Variants in BCL6B observed in about 807,000 individuals in gnomAD.
BCL6B encodes the protein B-cell CLL/lymphoma 6 member B protein.
A neutral mutation model predicts 44.6 loss-of-function variants in BCL6B; 28 were observed. The ratio of observed to expected loss-of-function variants is 0.63; its 90% CI spans 0.47 to 0.86. The LOEUF (loss-of-function observed/expected upper bound fraction) is 0.86, where lower values mean the gene tolerates loss of function less well. Ranked by LOEUF, BCL6B falls within the 40% of genes least tolerant of loss-of-function variation. BCL6B has a pLI of 0.00. For missense variants in BCL6B, 626 were observed against 652.3 expected (o/e 0.96, Z 0.44); for synonymous variants, 268 against 263.6 (o/e 1.02, Z -0.16).
At chr17:7,025,994 T>C (rs1026442353) in intron 5 of BCL6B, among the ~76,000 whole-genome samples, 7 of 152,274 alleles carry the variant, frequency 4.6e-5, no homozygotes, top group Middle Eastern at 3.4e-3. Context: ...CAATCTCGGT[T>C]CACTACAACC....
Position 7,026,814 on chromosome 17 carries a change from G to C in BCL6B, c.1164G>C (p.Thr388=). ...HSGEKPYKCE[T]CGSRFVQVAH... Reference sequence around the variant, plus strand: ...GAGAGAAGCCGTATAAGTGTGAGACGTGCGGCTCGCGCTTTGTACAGGTAC... The same window carrying C: ...GAGAGAAGCCGTATAAGTGTGAGACCTGCGGCTCGCGCTTTGTACAGGTAC... Residue 388 remains threonine, a synonymous_variant, in exon 7 of 9, where the codon ACG becomes ACC. Coordinates refer to ENST00000293805, the MANE Select transcript of BCL6B (RefSeq NM_181844.4). The C allele has an allele frequency of 6.2e-7, 1 of 1,614,072 alleles. No individual in the cohort carries two copies. The highest frequency in any genetic ancestry group is 8.5e-7 in the Non-Finnish European group (1 of 1,180,038).
Position 7,029,476 on chromosome 17 carries a change from T to C in BCL6B, c.*1857T>C, listed in dbSNP as rs548952264. 73 of 1,048,440 alleles carry C rather than the reference T, an allele frequency of 7.0e-5. No homozygotes were observed. The African/African-American group carries it at 1.2e-3, about 17-fold the overall frequency. 64.9% of individuals were successfully genotyped at this position (1,048,440 alleles called of 1,614,324 possible). A position where few individuals can be genotyped will look rare whatever the true frequency, so the allele number is the denominator to read the frequency against. ...TCTCCCTCTTCCCTCTTTCTCCCCATGGCCCCACTGCAGAATTAAAGAAGG... is the reference window on the plus strand; with the variant it reads ...TCTCCCTCTTCCCTCTTTCTCCCCACGGCCCCACTGCAGAATTAAAGAAGG... On this transcript the variant is annotated 3_prime_UTR_variant, in exon 9 of 9. Transcript: ENST00000293805.
At chr17:7,023,944 C>A in intron 2 of BCL6B, 94 bp downstream of exon 2, 2 of 1,544,994 alleles carry the variant, frequency 1.3e-6, no homozygotes, top group Non-Finnish European at 1.8e-6. Context: ...CTTTCAGAAG[C>A]AGGAGGCGGA....
At position 7,029,369 on chromosome 17, in the gene BCL6B, A is replaced by G. The variant is rs896791236; in HGVS notation, c.*1750A>G. 4.0e-5 allele frequency: 40 copies of G among 995,488 alleles called. No homozygotes were observed. The highest frequency in any genetic ancestry group is 4.7e-5 in the Non-Finnish European group (39 of 835,752). The allele number at this position is 995,488 out of a possible 1,614,324, so 61.7% of individuals were successfully genotyped here. Reference sequence around the variant, plus strand: ...GGGACGAGGGTAGAAAGTAAGAAGCACTTTTGAATTTGTGGGGTAGAACTT... The same window carrying G: ...GGGACGAGGGTAGAAAGTAAGAAGCGCTTTTGAATTTGTGGGGTAGAACTT... On this transcript the variant is annotated 3_prime_UTR_variant, in exon 9 of 9. Coordinates refer to ENST00000293805, the MANE Select transcript of BCL6B (RefSeq NM_181844.4).
In BCL6B at chr17:7,025,211, C is replaced by T. The variant is rs1910250956; in HGVS notation, c.889+11C>T. On this transcript the variant is annotated intron_variant, in intron 5 of 8. Coordinates refer to ENST00000293805, the MANE Select transcript of BCL6B (RefSeq NM_181844.4). ...CTCGTCCACTACCGGGTAAGAGCCC[C>T]TCTTTCTTGGCTTTTCTCCCGTGAC... The T allele has an allele frequency of 4.3e-6, 7 of 1,613,156 alleles. No homozygotes were observed. The highest frequency in any genetic ancestry group is 5.1e-6 in the Non-Finnish European group (6 of 1,179,778).
chr17:7,024,028 C>CTT lies in BCL6B; in HGVS notation c.180-55_180-54insTT. 6.3e-7 allele frequency: 1 copy of CTT among 1,579,290 alleles called. No homozygotes were observed. Among genetic ancestry groups the CTT allele is most frequent in the Non-Finnish European group, 8.7e-7 (1 of 1,152,032 alleles). On this transcript the variant is annotated intron_variant, in intron 2 of 8. Transcript: ENST00000293805. This position sits in a 1 kb window ranked among gnomAD's most constrained non-coding sequence, Gnocchi z 6.6. ...CAGGGGGCGGGGCTTCCTGAAGCTG[C>CTT]GCATGTCTCCCTTGGTTCCCCAGCC...
At position 7,024,199 on chromosome 17, in the gene BCL6B, C is replaced by G; in HGVS notation, c.296C>G (p.Ser99Trp). Residue 99 changes from serine (S) to tryptophan (W), a missense_variant, in exon 3 of 9, where the codon TCG (serine) becomes TGG (tryptophan). By Grantham distance (177) the Ser-to-Trp change is radical. Transcript: ENST00000293805. The surrounding 1 kb of genome is among the most constrained non-coding windows in gnomAD (Gnocchi z 6.6). ...FAPLLDFMYT[S>W]RLRLSPATAP... is the part of the protein sequence containing the mutation. ...CCTCTATTGGACTTCATGTACACTT[C>G]GCGCCTGCGCCTCTCTCCAGCCACT... 6.2e-7 allele frequency: 1 copy of G among 1,613,746 alleles called. No individual in the cohort carries two copies. The highest frequency in any genetic ancestry group is 1.1e-5 in the South Asian group (1 of 91,064).
chr17:7,027,139 C>T (rs763286941), intron 8 of BCL6B, 52 bp downstream of exon 8: 1 of 1,606,540 alleles, frequency 6.2e-7, no homozygotes, highest in East Asian at 2.2e-5. Context: ...TCTCCTTTGC[C>T]TAGGGGTGGG....
chr17:7,023,600 A>T, intron 1 of BCL6B, 60 bp from the exon 2 acceptor site: 1 of 1,487,662 alleles, frequency 6.7e-7, no homozygotes, highest in Non-Finnish European at 9.0e-7. Context: ...AAAGGCAAAC[A>T]GAGGAGGGAA....
Position 7,024,399 on chromosome 17 carries a change from A to G in BCL6B, c.402-2A>G. On this transcript the variant is annotated splice_acceptor_variant, in intron 3 of 8. Transcript: ENST00000293805. LOFTEE classifies it high-confidence loss of function. The surrounding 1 kb of genome is among the most constrained non-coding windows in gnomAD (Gnocchi z 6.6). ...CACTAACGTTCATCACACTTTCCCC[A>G]GCTATGAACCTCTGGGCATCTCCCT... The G allele has an allele frequency of 6.2e-7, 1 of 1,612,446 alleles. No individual in the cohort carries two copies. Among genetic ancestry groups the G allele is most frequent in the Non-Finnish European group, 8.5e-7 (1 of 1,178,976 alleles).
At chr17:7,027,162 C>G in intron 8 of BCL6B, 75 bp downstream of exon 8, 1 of 1,563,874 alleles carries the variant, frequency 6.4e-7, no homozygotes, top group South Asian at 1.1e-5. Flanking sequence ...CTGAGAGGTG[C>G]GGGCCTGGCT....
At position 7,024,214 on chromosome 17, in the gene BCL6B, C is replaced by T; in HGVS notation, c.311C>T (p.Ser104Phe). ...DFMYTSRLRL[S>F]PATAPAVLAA... ...ATGTACACTTCGCGCCTGCGCCTCT[C>T]TCCAGCCACTGCACCAGCAGTCCTA... The change falls in exon 3 of 9, where the codon TCT becomes TTT. Residue 104 changes from serine (S) to phenylalanine (F), a missense_variant. Coordinates refer to ENST00000293805, the MANE Select transcript of BCL6B (RefSeq NM_181844.4). This position sits in a 1 kb window ranked among gnomAD's most constrained non-coding sequence, Gnocchi z 6.6. 2 of 1,613,900 alleles carry T rather than the reference C, an allele frequency of 1.2e-6. No homozygotes were observed. The highest frequency in any genetic ancestry group is 1.7e-6 in the Non-Finnish European group (2 of 1,180,030).
rs529487939 is a variant in BCL6B at position 7,023,841 on chromosome 17, T to C, written c.170T>C (p.Ile57Thr). ...CTCAGAGCACACAAGGCAGTTCTCA[T>C]CGCCTGCAGGTTCGAGGGGTGGGGC... ...QPLRAHKAVL[I>T]ACSGFFYSIF... The change falls in exon 2 of 9, where the codon ATC becomes ACC. Residue 57 changes from isoleucine (I) to threonine (T), a missense_variant. By Grantham distance (89) the Ile-to-Thr change is moderately conservative. Transcript: ENST00000293805. 4 of 1,201,508 alleles carry C rather than the reference T, an allele frequency of 3.3e-6. No homozygotes were observed. The highest frequency in any genetic ancestry group is 4.6e-6 in the Non-Finnish European group (4 of 868,782). The allele number at this position is 1,201,508 out of a possible 1,614,324, so 74.4% of individuals were successfully genotyped here.
chr17:7,026,388 G>C (rs1480484044), intron 5 of BCL6B, 69 bp from the exon 6 acceptor site: 2 of 1,549,334 alleles, frequency 1.3e-6, no homozygotes, highest in African/African-American at 2.7e-5. Flanking sequence ...TGTGTGGTTT[G>C]AGGATTCAGT....
chr17:7,027,100 C>T lies in BCL6B; in HGVS notation c.1323+13C>T, dbSNP rs1283718547. On this transcript the variant is annotated intron_variant, in intron 8 of 8. Coordinates refer to ENST00000293805, the MANE Select transcript of BCL6B (RefSeq NM_181844.4). ...GAAGCCTTACCACGTGGGTACCCAA[C>T]CTGGCCTGCCCACTGCCTTAGAATT... The T allele has an allele frequency of 9.3e-6, 15 of 1,613,644 alleles. No individual in the cohort carries two copies. Among genetic ancestry groups the T allele is most frequent in the Non-Finnish European group, 1.3e-5 (15 of 1,179,944 alleles).
At position 7,024,176 on chromosome 17, in the gene BCL6B, T is replaced by C. The variant is rs1054342322; in HGVS notation, c.273T>C (p.Pro91=). ...PGGPEARGFA[P]LLDFMYTSRL... ...GTCCCGAAGCGAGAGGCTTCGCCCC[T>C]CTATTGGACTTCATGTACACTTCGC... Residue 91 remains proline (P), a synonymous_variant, in exon 3 of 9, where the codon CCT becomes CCC. Coordinates refer to ENST00000293805, the MANE Select transcript of BCL6B (RefSeq NM_181844.4). The surrounding 1 kb of genome is among the most constrained non-coding windows in gnomAD (Gnocchi z 6.6). The C allele has an allele frequency of 3.1e-6, 5 of 1,613,726 alleles. No homozygotes were observed. The highest frequency in any genetic ancestry group is 1.3e-5 in the African/African-American group (1 of 74,850).
At chr17:7,027,305 G>A (rs367582163) in intron 8 of BCL6B, among the ~76,000 whole-genome samples, 198 bp from the exon 9 acceptor site, 118 of 152,318 alleles carry the variant, frequency 7.7e-4, no homozygotes, top group African/African-American at 2.6e-3. Flanking sequence ...GAGAGGAGCT[G>A]AGAAGTGGGA....
chr17:7,023,808 G>A lies in BCL6B; in HGVS notation c.137G>A (p.Gly46Glu). ...ACTGACGTCACGCTGCTGGTTGGCG[G>A]GCAACCCCTCAGAGCACACAAGGCA... ...ILTDVTLLVGGQPLRAHKAVL... is the reference protein window; with the variant it reads ...ILTDVTLLVGEQPLRAHKAVL... Residue 46 changes from glycine (G) to glutamate (E), a missense_variant, in exon 2 of 9, where the codon GGG becomes GAG. Gly to Glu is a moderately conservative substitution (Grantham distance 98, BLOSUM62 -2). Transcript: ENST00000293805. The A allele has an allele frequency of 1.2e-6, 2 of 1,613,332 alleles. No homozygotes were observed. The highest frequency in any genetic ancestry group is 1.7e-6 in the Non-Finnish European group (2 of 1,179,994).
rs1910344869 is a variant in BCL6B, at chr17:7,027,869, G to A, written c.*250G>A. ...CTGAGGAGAGAGCTAGCTAGGGGCT[G>A]GGAAAGGGGAGAGATTGGAGTCCTG... On this transcript the variant is annotated 3_prime_UTR_variant, in exon 9 of 9. Coordinates refer to ENST00000293805, the MANE Select transcript of BCL6B (RefSeq NM_181844.4). The A allele has an allele frequency of 2.9e-6, 4 of 1,364,700 alleles. No homozygotes were observed. Among genetic ancestry groups the A allele is most frequent in the Non-Finnish European group, 3.8e-6 (4 of 1,056,488 alleles). The allele number at this position is 1,364,700 out of a possible 1,614,324, so 84.5% of individuals were successfully genotyped here.
Sources: gnomAD v4.1 joint callset for allele counts (sites outside exome capture counted in the v4.1 genomes callset) on GRCh38, gnomAD v4.1.1 for gene constraint, Gnocchi (gnomAD v3.1) non-coding constraint, MANE v1.5 for transcripts, NCBI Gene and HGNC (gene_info 2026-07-23, HGNC 2026-07-21) for gene names.